Variants in LPA observed in about 807,000 individuals in gnomAD.
LPA encodes apolipoprotein(a).
In LPA, 199 loss-of-function variants were observed where a neutral mutation model predicts 197.9. That is an observed-to-expected ratio of 1.01 (90% CI 0.90 to 1.13). The LOEUF (loss-of-function observed/expected upper bound fraction) is 1.13. LPA is among the 50% of genes most tolerant of loss of function. LPA has a pLI of 0.00. For missense variants in LPA, 1,853 were observed against 1,785.8 expected, an observed-to-expected ratio of 1.04 and a Z score of -0.68; for synonymous variants, 715 against 639.5, an observed-to-expected ratio of 1.12 and a Z score of -1.78.
chr6:160,547,951 T>A lies in LPA; in HGVS notation c.5156-14A>T, dbSNP rs771970451. On this transcript the variant is annotated splice_polypyrimidine_tract_variant and intron_variant, in intron 31 of 38. Transcript: ENST00000316300. The stretch of plus-strand genomic sequence containing the variant: ...CAAACATACAGTCTGTAGAAAAAAA[T>A]AAAAATAAAACAGATGATTACAGAC... 4 of 1,612,952 alleles carry A rather than the reference T, an allele frequency of 2.5e-6. No homozygotes were observed. The East Asian group carries it at 6.7e-5, about 27-fold the overall frequency.
chr6:160,648,114 T>G (rs1779935153), intron 2 of LPA, among the ~76,000 whole-genome samples: 1 of 152,232 alleles, frequency 6.6e-6, no homozygotes, highest in Non-Finnish European at 1.5e-5. Context: ...TGTAGCCTTC[T>G]CAGTTGAGCT....
At chr6:160,562,394 A>T (rs1341345394) in intron 28 of LPA, among the ~76,000 whole-genome samples, 1 of 152,252 alleles carries the variant, frequency 6.6e-6, no homozygotes, top group Non-Finnish European at 1.5e-5. Flanking sequence ...ATGTTGAACC[A>T]GCCTTGCATC....
intron 26 of LPA, among the ~76,000 whole-genome samples, chr6:160,584,011 C>A (rs1778848072): frequency 6.6e-6 from 1 of 152,142 alleles, no homozygotes; most frequent in Admixed American, 6.5e-5. Context: ...CATGTACCTG[C>A]CCATTTTAAT....
In LPA at chr6:160,532,626, T is replaced by A. The variant is rs750682358; in HGVS notation, c.5866A>T (p.Lys1956Ter). 2 of 1,609,324 alleles carry A rather than the reference T, an allele frequency of 1.2e-6. No homozygotes were observed. The highest frequency in any genetic ancestry group is 2.7e-5 in the African/African-American group (2 of 74,812). Residue 1956 changes from lysine to a stop codon, truncating the protein, a stop_gained, in exon 38 of 39, where the codon AAG becomes TAG. Transcript: ENST00000316300. LOFTEE classifies it high-confidence loss of function. ...TCAATAACAAGGAGCTGGGCTTCCT[T>A]GAGAAGGCCAGTCCCAAAGGTACCT... ...TQGTFGTGLLKEAQLLVIENE... is the reference protein window; with the variant it reads ...TQGTFGTGLL
Position 160,640,653 on chromosome 6 carries a change from CACA to C in LPA, c.733+11_733+13del. 5 of 174,210 alleles carry C rather than the reference CACA, an allele frequency of 2.9e-5. No individual in the cohort carries two copies. The highest frequency in any genetic ancestry group is 1.1e-4 in the South Asian group (2 of 17,440). 10.8% of individuals were successfully genotyped at this position (174,210 alleles called of 1,614,324 possible). A position where few individuals can be genotyped will look rare whatever the true frequency, so the allele number is the denominator to read the frequency against. ...GCATCGAAGCGTGTAGATGTCTGGC[CACA>C]GACTCCTTACCTTGTTCGGAAGGAG... On this transcript the variant is annotated intron_variant, in intron 5 of 38. Transcript: ENST00000316300.
chr6:160,608,626 G>A (rs1779411949), intron 16 of LPA, among the ~76,000 whole-genome samples: 1 of 151,890 alleles, frequency 6.6e-6, no homozygotes, highest in South Asian at 2.1e-4. Flanking sequence ...ATTGAATTTC[G>A]TGTTTTTGCG....
chr6:160,634,967 C>A (rs1186761123), intron 7 of LPA, among the ~76,000 whole-genome samples, 156 bp downstream of exon 7: 1 of 150,242 alleles, frequency 6.7e-6, no homozygotes, highest in Non-Finnish European at 1.5e-5. Context: ...TCCGCTGGCT[C>A]CCCCAGAGAG....
At chr6:160,587,867 C>T (rs1270015914) in intron 24 of LPA, among the ~76,000 whole-genome samples, 1 of 151,634 alleles carries the variant, frequency 6.6e-6, no homozygotes, top group Non-Finnish European at 1.5e-5. Flanking sequence ...TTTTCTAGGT[C>T]ACCTTTCCTA....
At chr6:160,589,433 C>G in intron 24 of LPA, 120 bp downstream of exon 24, 2 of 1,187,022 alleles carry the variant, frequency 1.7e-6, no homozygotes, top group South Asian at 2.5e-5. Flanking sequence ...CTGAGACATT[C>G]TGTCCAACAT....
intron 28 of LPA, among the ~76,000 whole-genome samples, chr6:160,564,110 A>T (rs1003361720): frequency 2.0e-5 from 3 of 152,180 alleles, no homozygotes; most frequent in African/African-American, 7.2e-5. Flanking sequence ...TGTCATTATG[A>T]TGCTAGCTGG....
rs1562354280 is a variant in LPA, at chr6:160,653,951, T to TATATATA, written c.50-3461_50-3455dup. Among the ~76,000 whole-genome samples, 49 of 30,638 alleles carry TATATATA rather than the reference T, an allele frequency of 1.6e-3. 3 individuals carry two copies. Among genetic ancestry groups the TATATATA allele is most frequent in the African/African-American group, 6.0e-3 (48 of 8,066 alleles). The allele number at this position is 30,638 out of a possible 152,430, so 20.1% of individuals were successfully genotyped here. A position where few individuals can be genotyped will look rare whatever the true frequency, so the allele number is the denominator to read the frequency against. On this transcript the variant is annotated intron_variant, in intron 1 of 38. Coordinates refer to ENST00000316300, the MANE Select transcript of LPA (RefSeq NM_005577.4). ...GGATATATATATATTTTATATATAT[T>TATATATA]ATATATAATATATATTATATATAAT...
intron 18 of LPA, among the ~76,000 whole-genome samples, chr6:160,604,566 G>T (rs1005216799): frequency 1.3e-5 from 2 of 152,032 alleles, no homozygotes; most frequent in Non-Finnish European, 2.9e-5. Context: ...GGTCAGAACC[G>T]ACTGTGTTTC....
At chr6:160,590,638 G>A (rs990693877) in intron 23 of LPA, among the ~76,000 whole-genome samples, 3 of 152,128 alleles carry the variant, frequency 2.0e-5, no homozygotes, top group African/African-American at 7.2e-5. Flanking sequence ...TCACAAATTT[G>A]GCAGGATGTT....
chr6:160,531,970 A>G, intron 38 of LPA, 80 bp from the exon 39 acceptor site: 1 of 1,480,334 alleles, frequency 6.8e-7, no homozygotes, highest in Non-Finnish European at 9.4e-7. Context: ...TCTCTTATCC[A>G]TATGTACATT....
At chr6:160,603,886 G>T (rs1779292064) in intron 18 of LPA, among the ~76,000 whole-genome samples, 2 of 151,972 alleles carry the variant, frequency 1.3e-5, no homozygotes, top group Non-Finnish European at 2.9e-5. Flanking sequence ...TGACTTTTCT[G>T]GAGTCTCTAC....
chr6:160,540,301 T>C (rs2114997911), intron 35 of LPA, 118 bp from the exon 36 acceptor site: 1 of 1,146,672 alleles, frequency 8.7e-7, no homozygotes, highest in Non-Finnish European at 1.3e-6. Context: ...CAGTGACTTA[T>C]GAGTGGCAAG....
At chr6:160,654,043 A>ATATT (rs1562354908) in intron 1 of LPA, among the ~76,000 whole-genome samples, 358 of 7,122 alleles carry the variant, frequency 0.05, 38 homozygotes, top group Middle Eastern at 0.083. Context: ...TATTATATAT[A>ATATT]ATATATAATA....
At chr6:160,570,115 C>T (rs1460055867) in intron 28 of LPA, among the ~76,000 whole-genome samples, 2 of 152,174 alleles carry the variant, frequency 1.3e-5, no homozygotes, top group South Asian at 4.1e-4. Context: ...TACCATTTGA[C>T]ACAGCCATAC....
chr6:160,608,296 G>A (rs1332025560), intron 16 of LPA, among the ~76,000 whole-genome samples: 1 of 152,084 alleles, frequency 6.6e-6, no homozygotes, highest in Non-Finnish European at 1.5e-5. Flanking sequence ...TCTTTGTTTG[G>A]GGCAGTGCAC....
Sources: gnomAD v4.1 joint callset for allele counts (sites outside exome capture counted in the v4.1 genomes callset) on GRCh38, gnomAD v4.1.1 for gene constraint, MANE v1.5 for transcripts, NCBI Gene and HGNC (gene_info 2026-07-23, HGNC 2026-07-21) for gene names.